The following GPC5 variants were observed in gnomAD, a reference collection of about 807,000 sequenced individuals.
GPC5 encodes glypican-5.
Under a neutral mutation model 53.9 loss-of-function variants are expected in GPC5, and 47 were observed. That is an observed-to-expected ratio of 0.87 (90% CI 0.69 to 1.11). The LOEUF (loss-of-function observed/expected upper bound fraction) is 1.11, where lower values mean the gene tolerates loss of function less well. Ranked by LOEUF, GPC5 falls within the 50% of genes most tolerant of loss-of-function variation. The probability of loss-of-function intolerance (pLI) is 0.00; values close to 1 mark genes in which losing one functional copy is unlikely to be tolerated. For synonymous variants in GPC5, 286 were observed against 263.3 expected, an observed-to-expected ratio of 1.09 and a Z score of -0.84; for missense variants, 748 against 713.1, an observed-to-expected ratio of 1.05 and a Z score of -0.56.
rs1445290173 is a variant in GPC5, at chr13:91,903,720, T to C, written c.1281-4217T>C. On this transcript the variant is annotated intron_variant, in intron 5 of 7. Coordinates refer to ENST00000377067, the MANE Select transcript of GPC5 (RefSeq NM_004466.6). ...AGAGTGACTCTGAAATATTCAATAA[T>C]ATAACAGCTTGGAATGAGATTTTTA... is the stretch of plus-strand genomic sequence containing the variant. 3.3e-5 allele frequency among the ~76,000 whole-genome samples: 5 copies of C among 152,170 alleles called. No individual in the cohort carries two copies. The East Asian group carries it at 9.6e-4, about 29-fold the overall frequency.
At chr13:91,697,126 T>C (rs2035894592) in intron 3 of GPC5, among the ~76,000 whole-genome samples, 1 of 152,194 alleles carries the variant, frequency 6.6e-6, no homozygotes, top group South Asian at 2.1e-4. Context: ...TTAGAAATAA[T>C]TCACTGATTT....
chr13:91,470,116 C>G (rs955473493), intron 2 of GPC5, among the ~76,000 whole-genome samples: 1 of 152,182 alleles, frequency 6.6e-6, no homozygotes, highest in African/African-American at 2.4e-5. Flanking sequence ...AGTTTTGTCA[C>G]TTGTTGTATT....
At chr13:91,664,458 A>G (rs1227370233) in intron 2 of GPC5, among the ~76,000 whole-genome samples, 1 of 152,172 alleles carries the variant, frequency 6.6e-6, no homozygotes, top group East Asian at 1.9e-4. Context: ...ATGACTGTCT[A>G]TTTGAGAAGT....
intron 7 of GPC5, among the ~76,000 whole-genome samples, chr13:92,213,400 C>T (rs1317798832): frequency 6.6e-6 from 1 of 151,986 alleles, no homozygotes; most frequent in African/African-American, 2.4e-5. Context: ...AAAAAGAATG[C>T]CTTGTAACAG....
intron 6 of GPC5, among the ~76,000 whole-genome samples, chr13:92,069,262 A>G (rs546319985): frequency 2.0e-5 from 3 of 152,252 alleles, no homozygotes; most frequent in East Asian, 3.9e-4. Flanking sequence ...CTGAATTAAT[A>G]TAGTTTGATA....
In GPC5 at chr13:92,424,360, T is replaced by C. The variant is rs189891295; in HGVS notation, c.1561+279371T>C. ...TTTTATTACCTTTGAGCAAAGATAT[T>C]TAATTTAATCCAATTAATATTTATT... On this transcript the variant is annotated intron_variant, in intron 7 of 7. Coordinates refer to ENST00000377067, the MANE Select transcript of GPC5 (RefSeq NM_004466.6). Among the ~76,000 whole-genome samples the C allele has an allele frequency of 3.7e-3, 558 of 152,128 alleles. 4 individuals are homozygous for C. The highest frequency in any genetic ancestry group is 0.013 in the African/African-American group (525 of 41,546).
intron 2 of GPC5, among the ~76,000 whole-genome samples, chr13:91,473,367 A>G (rs1882748652): frequency 6.6e-6 from 1 of 152,182 alleles, no homozygotes; most frequent in African/African-American, 2.4e-5. Flanking sequence ...ACAGGAGTCA[A>G]CACAGCAATA....
intron 7 of GPC5, among the ~76,000 whole-genome samples, chr13:92,260,966 G>A (rs1256199800): frequency 6.6e-6 from 1 of 152,072 alleles, no homozygotes; most frequent in Non-Finnish European, 1.5e-5. Flanking sequence ...AGTTGTTATA[G>A]TAGTTGAAAT....
At chr13:92,535,880 A>C (rs1881707540) in intron 7 of GPC5, among the ~76,000 whole-genome samples, 1 of 152,120 alleles carries the variant, frequency 6.6e-6, no homozygotes, top group Non-Finnish European at 1.5e-5. Context: ...AACTCACCTC[A>C]ATGGAGTAGT....
intron 2 of GPC5, among the ~76,000 whole-genome samples, chr13:91,523,222 C>A (rs1423009000): frequency 6.6e-6 from 1 of 152,114 alleles, no homozygotes; most frequent in Non-Finnish European, 1.5e-5. Context: ...ACCATATGAT[C>A]CAGCAATCCA....
At chr13:91,687,526 A>G (rs2139774573) in intron 2 of GPC5, among the ~76,000 whole-genome samples, 1 of 152,168 alleles carries the variant, frequency 6.6e-6, no homozygotes, top group Admixed American at 6.5e-5. Context: ...GATAACACAT[A>G]AATGATTTTA....
intron 7 of GPC5, among the ~76,000 whole-genome samples, chr13:92,197,524 G>T (rs1319759110): frequency 6.6e-6 from 1 of 152,034 alleles, no homozygotes; most frequent in African/African-American, 2.4e-5. Context: ...TTGAGACAGG[G>T]TCTCGCTTTT....
intron 6 of GPC5, among the ~76,000 whole-genome samples, chr13:92,134,256 A>C (rs1215664870): frequency 6.6e-6 from 1 of 152,146 alleles, no homozygotes; most frequent in Non-Finnish European, 1.5e-5. Flanking sequence ...TTGGAAGATG[A>C]CATGGCATAA....
chr13:91,790,410 T>A (rs1469931901), intron 5 of GPC5, among the ~76,000 whole-genome samples: 2 of 152,248 alleles, frequency 1.3e-5, no homozygotes, highest in Admixed American at 1.3e-4. Flanking sequence ...CATTTACTAC[T>A]CATTAGCTCT....
chr13:92,143,086 A>G (rs901391804), intron 6 of GPC5, among the ~76,000 whole-genome samples: 3 of 152,256 alleles, frequency 2.0e-5, no homozygotes, highest in Non-Finnish European at 2.9e-5. Flanking sequence ...TTTTCTCACA[A>G]TATGAGCAAT....
At chr13:92,500,294 C>G (rs1880134330) in intron 7 of GPC5, among the ~76,000 whole-genome samples, 1 of 152,124 alleles carries the variant, frequency 6.6e-6, no homozygotes, top group South Asian at 2.1e-4. Flanking sequence ...CTTACAGACT[C>G]CCGGGAGAGT....
At chr13:91,835,796 A>G (rs1261236681) in intron 5 of GPC5, among the ~76,000 whole-genome samples, 9 of 152,096 alleles carry the variant, frequency 5.9e-5, no homozygotes, top group Non-Finnish European at 1.2e-4. Flanking sequence ...TGAAGGGTTG[A>G]TGGGTGCAGC....
intron 7 of GPC5, among the ~76,000 whole-genome samples, chr13:92,170,753 T>C (rs1745206772): frequency 1.3e-5 from 2 of 152,142 alleles, no homozygotes; most frequent in Admixed American, 1.3e-4. Flanking sequence ...ATAGACTATT[T>C]AACTACCAAC....
intron 7 of GPC5, among the ~76,000 whole-genome samples, chr13:92,588,152 A>G (rs770824254): frequency 6.6e-6 from 1 of 151,656 alleles, no homozygotes; most frequent in Non-Finnish European, 1.5e-5. Flanking sequence ...TTCAACTCCC[A>G]CTTATGAATG....
Sources: allele counts gnomAD v4.1 joint callset (sites outside exome capture counted in the v4.1 genomes callset), GRCh38; gene constraint gnomAD v4.1.1; transcripts MANE v1.5; gene names NCBI Gene and HGNC (gene_info 2026-07-23, HGNC 2026-07-21).